The following DLGAP2 variants were observed in gnomAD, a reference collection of about 807,000 sequenced individuals.
DLGAP2 encodes DLG associated protein 2.
DLGAP2 carries 26 observed loss-of-function variants against 100.3 expected under a neutral mutation model. The observed-to-expected ratio is 0.26, with a 90% CI of 0.19 to 0.36. The LOEUF (loss-of-function observed/expected upper bound fraction) is 0.36. Among genes scored for constraint, DLGAP2 ranks in the 10% least tolerant of loss-of-function variants. The pLI is 1.00. For synonymous variants in DLGAP2, 886 were observed against 630.1 expected, an observed-to-expected ratio of 1.41 and a Z score of -6.08; for missense variants, 1,858 against 1,453.2, an observed-to-expected ratio of 1.28 and a Z score of -4.53.
At chr8:1,281,475 G>T (rs564248995) in intron 3 of DLGAP2, among the ~76,000 whole-genome samples, 2 of 152,252 alleles carry the variant, frequency 1.3e-5, no homozygotes, top group East Asian at 3.9e-4. Context: ...CTGTCCCCTG[G>T]GCACAGGCTG....
intron 2 of DLGAP2, among the ~76,000 whole-genome samples, chr8:958,187 C>T (rs1799638565): frequency 1.3e-5 from 2 of 152,144 alleles, no homozygotes; most frequent in African/African-American, 4.8e-5. Flanking sequence ...TTTCAAGATT[C>T]ATTTATGTGG....
chr8:1,660,245 C>A (rs1224239496), intron 8 of DLGAP2, among the ~76,000 whole-genome samples: 1 of 152,156 alleles, frequency 6.6e-6, no homozygotes. Context: ...TTGTGTGTAA[C>A]CTGACCTTTC....
At chr8:1,694,963 C>T (rs1003893294) in intron 13 of DLGAP2, among the ~76,000 whole-genome samples, 24 of 152,294 alleles carry the variant, frequency 1.6e-4, no homozygotes, top group Middle Eastern at 3.4e-3. Context: ...AAACCCTGAC[C>T]ATGCCAGGCT....
At chr8:1,176,921 A>T (rs1410258144) in intron 2 of DLGAP2, among the ~76,000 whole-genome samples, 2 of 152,186 alleles carry the variant, frequency 1.3e-5, no homozygotes, top group Non-Finnish European at 2.9e-5. Flanking sequence ...CTTTCATGCC[A>T]TGGCAGCAAA....
In DLGAP2 at chr8:1,000,460, A is replaced by G. The variant is rs543023168; in HGVS notation, c.73+92494A>G. Among the ~76,000 whole-genome samples the G allele has an allele frequency of 4.2e-4, 62 of 147,722 alleles. 1 individual carries two copies. In the Middle Eastern group the frequency reaches 0.019, roughly 45 times the overall value. On this transcript the variant is annotated intron_variant, in intron 2 of 14. Coordinates refer to ENST00000637795, the MANE Select transcript of DLGAP2 (RefSeq NM_001346810.2). The stretch of plus-strand genomic sequence containing the variant: ...TCCGGGTGGGGTGGTTTTGTTTTGC[A>G]CTGGATTTTCTCTAGAGCGGACAGA...
chr8:799,088 C>T (rs1394226451), intron 1 of DLGAP2, among the ~76,000 whole-genome samples: 1 of 152,226 alleles, frequency 6.6e-6, no homozygotes, highest in Non-Finnish European at 1.5e-5. Flanking sequence ...CTGCCTCTCA[C>T]CCCACATGCT....
At chr8:1,274,144 T>C (rs1799636265) in intron 3 of DLGAP2, among the ~76,000 whole-genome samples, 1 of 151,874 alleles carries the variant, frequency 6.6e-6, no homozygotes, top group Non-Finnish European at 1.5e-5. Context: ...TAAAATTATA[T>C]CTTAAATTTT....
intron 2 of DLGAP2, among the ~76,000 whole-genome samples, chr8:1,205,762 T>C (rs1226264114): frequency 6.6e-6 from 1 of 152,160 alleles, no homozygotes; most frequent in African/African-American, 2.4e-5. Context: ...GCGGGAGACA[T>C]GGCTGTGCCG....
intron 3 of DLGAP2, among the ~76,000 whole-genome samples, chr8:1,268,920 C>A (rs1799523836): frequency 6.6e-6 from 1 of 152,138 alleles, no homozygotes; most frequent in Non-Finnish European, 1.5e-5. Flanking sequence ...ATGACATGGC[C>A]AGAGCCAACG....
chr8:1,059,888 C>T (rs764623794), intron 2 of DLGAP2, among the ~76,000 whole-genome samples: 2 of 152,138 alleles, frequency 1.3e-5, no homozygotes, highest in South Asian at 2.1e-4. Context: ...CGATGCAAAT[C>T]GCATTCTGTG....
At chr8:930,500 G>A (rs1013259596) in intron 2 of DLGAP2, among the ~76,000 whole-genome samples, 4 of 152,196 alleles carry the variant, frequency 2.6e-5, no homozygotes, top group African/African-American at 4.8e-5. Flanking sequence ...GAAAAGGTCC[G>A]AGGAGGGGAC....
chr8:822,340 A>G (rs1009961763), intron 1 of DLGAP2: 71 of 398,518 alleles, frequency 1.8e-4, no homozygotes, highest in African/African-American at 1.4e-3. Context: ...GCTACCTGGA[A>G]GGAAACAGGC....
chr8:1,352,701 C>G (rs1011052998), intron 3 of DLGAP2, among the ~76,000 whole-genome samples: 2 of 152,168 alleles, frequency 1.3e-5, no homozygotes, highest in African/African-American at 2.4e-5. Flanking sequence ...CTTTACATGA[C>G]TTCTCTGCCC....
At chr8:988,073 A>G (rs73538117) in intron 2 of DLGAP2, among the ~76,000 whole-genome samples, 3,812 of 152,246 alleles carry the variant, frequency 0.025, 158 homozygotes, top group African/African-American at 0.087. Flanking sequence ...GGGGCCTAGC[A>G]TGGTTCTATT....
intron 1 of DLGAP2, among the ~76,000 whole-genome samples, chr8:802,133 C>T (rs71231916): frequency 1.4e-3 from 193 of 133,956 alleles, no homozygotes; most frequent in East Asian, 7.5e-3. Flanking sequence ...TCCGTCCTCA[C>T]GGCCTGGGGA....
At chr8:1,407,567 A>T (rs1307374983) in intron 3 of DLGAP2, among the ~76,000 whole-genome samples, 2 of 97,370 alleles carry the variant, frequency 2.1e-5, no homozygotes, top group African/African-American at 3.8e-5. Context: ...CTCATCCTCC[A>T]GAGTCGTGTA....
intron 3 of DLGAP2, among the ~76,000 whole-genome samples, chr8:1,260,865 G>A (rs941376307): frequency 2.0e-5 from 3 of 152,198 alleles, no homozygotes; most frequent in Non-Finnish European, 4.4e-5. Flanking sequence ...GGGCTCTCCA[G>A]CCTTAGGTCT....
chr8:1,637,710 CGCTGCGCTAAGTGCTCTGAATCCA>C (rs1338077136), intron 8 of DLGAP2, among the ~76,000 whole-genome samples: 2 of 152,150 alleles, frequency 1.3e-5, no homozygotes, highest in Admixed American at 6.5e-5. Flanking sequence ...GTGTGCCGGC[CGCTGCGCTAAGTGCTCTGAATCCA>C]GAAGCACTGA....
At chr8:993,562 G>T (rs73673046) in intron 2 of DLGAP2, among the ~76,000 whole-genome samples, 1 of 150,326 alleles carries the variant, frequency 6.7e-6, no homozygotes, top group African/African-American at 2.5e-5. Flanking sequence ...TTCCAGGGGC[G>T]TTTGTTTCTG....
Sources: allele counts gnomAD v4.1 joint callset (sites outside exome capture counted in the v4.1 genomes callset), GRCh38; gene constraint gnomAD v4.1.1; transcripts MANE v1.5; gene names NCBI Gene and HGNC (gene_info 2026-07-23, HGNC 2026-07-21).